The following GTF2IRD2 variants were observed in gnomAD, a reference collection of about 807,000 sequenced individuals.
GTF2IRD2 encodes general transcription factor II-I repeat domain-containing protein 2A.
Under a neutral mutation model 49.2 loss-of-function variants are expected in GTF2IRD2, and 8 were observed. The observed-to-expected ratio is 0.16, with a 90% confidence interval of 0.10 to 0.29. The LOEUF (loss-of-function observed/expected upper bound fraction) is 0.29. GTF2IRD2 is among the 10% of genes least tolerant of loss of function. The pLI is 1.00. For missense variants in GTF2IRD2, 130 were observed against 725.7 expected (o/e 0.18, Z 9.43); for synonymous variants, 47 against 289.7 (o/e 0.16, Z 8.51).
chr7:74,806,383 C>G (rs1168193365), intron 12 of GTF2IRD2, among the ~76,000 whole-genome samples: 12 of 129,820 alleles, frequency 9.2e-5, no homozygotes, highest in African/African-American at 3.3e-4. Flanking sequence ...GATCTCCGCT[C>G]ACTGCAAGCT....
chr7:74,836,829 G>T (rs1441499804), intron 1 of GTF2IRD2, among the ~76,000 whole-genome samples: 17 of 150,018 alleles, frequency 1.1e-4, no homozygotes, highest in Non-Finnish European at 1.8e-4. Context: ...GCCTCCCAGA[G>T]TGCTGGGATT....
intron 1 of GTF2IRD2, among the ~76,000 whole-genome samples, chr7:74,840,067 C>CT (rs1165672995): frequency 0.033 from 2,288 of 70,058 alleles, 381 homozygotes; most frequent in African/African-American, 0.12. Flanking sequence ...GGTCCTATGT[C>CT]TTTTTTTTTT....
intron 2 of GTF2IRD2, among the ~76,000 whole-genome samples, 196 bp from the exon 3 acceptor site, chr7:74,833,139 G>A (rs1210781219): frequency 1.1e-4 from 7 of 62,950 alleles, no homozygotes; most frequent in Admixed American, 2.0e-4. Flanking sequence ...TGCAAGCTCC[G>A]CCTCCCGGGT....
At chr7:74,799,767 G>A (rs1309980632) in intron 15 of GTF2IRD2, among the ~76,000 whole-genome samples, 2 of 152,208 alleles carry the variant, frequency 1.3e-5, no homozygotes, top group East Asian at 1.9e-4. Flanking sequence ...TATTTCCAGA[G>A]TACACACACA....
chr7:74,833,035 G>A (rs1799970251), intron 2 of GTF2IRD2, 92 bp from the exon 3 acceptor site: 1 of 378,188 alleles, frequency 2.6e-6, no homozygotes, highest in African/African-American at 4.2e-5. Flanking sequence ...ACAAAATTAG[G>A]TAGCAAAAGG....
intron 1 of GTF2IRD2, among the ~76,000 whole-genome samples, chr7:74,842,608 ATAGT>A (rs1333537918): frequency 6.9e-6 from 1 of 144,814 alleles, no homozygotes; most frequent in East Asian, 2.0e-4. Context: ...TGCCATGATC[ATAGT>A]TGGAGTACAG....
intron 15 of GTF2IRD2, chr7:74,799,057 G>T: frequency 9.6e-6 from 1 of 104,182 alleles, no homozygotes; most frequent in African/African-American, 4.0e-5. Flanking sequence ...TTGTTGCCCA[G>T]GCTGGTCTGA....
At chr7:74,830,184 T>C (rs1466441760) in intron 3 of GTF2IRD2, among the ~76,000 whole-genome samples, 2 of 70,670 alleles carry the variant, frequency 2.8e-5, no homozygotes, top group Non-Finnish European at 5.9e-5. Flanking sequence ...CTGGGTAATA[T>C]AGCAAAACCC....
At chr7:74,838,260 A>T (rs1800480243) in intron 1 of GTF2IRD2, among the ~76,000 whole-genome samples, 1 of 131,728 alleles carries the variant, frequency 7.6e-6, no homozygotes, top group Non-Finnish European at 1.5e-5. Flanking sequence ...ACACTATTTC[A>T]CTTACACATA....
chr7:74,810,660 G>C (rs1386596579), intron 10 of GTF2IRD2, among the ~76,000 whole-genome samples: 1 of 70,600 alleles, frequency 1.4e-5, no homozygotes, highest in African/African-American at 3.3e-5. Flanking sequence ...AATTAGCCGG[G>C]CGTGGTGGTA....
chr7:74,798,578 G>A (rs1797213762), intron 15 of GTF2IRD2, among the ~76,000 whole-genome samples: 1 of 150,512 alleles, frequency 6.6e-6, no homozygotes, highest in Non-Finnish European at 1.5e-5. Context: ...GCGCAATCTC[G>A]GCTCACTGCA....
chr7:74,819,125 A>G (rs1421495703), intron 8 of GTF2IRD2: 6 of 230,162 alleles, frequency 2.6e-5, no homozygotes, highest in East Asian at 1.2e-4. Context: ...GGGTTTTACT[A>G]TGTTGGCCAG....
At chr7:74,831,255 A>G (rs1218823564) in intron 3 of GTF2IRD2, among the ~76,000 whole-genome samples, 3 of 150,866 alleles carry the variant, frequency 2.0e-5, no homozygotes, top group Non-Finnish European at 4.4e-5. Flanking sequence ...ACATATATAT[A>G]TATAATTCCT....
Position 74,797,639 on chromosome 7 carries a change from C to T in GTF2IRD2, c.1873G>A (p.Val625Met), listed in dbSNP as rs146184113. Reference protein sequence around the residue: ...SVASTGTPAMVDANNGLVTKL... With the variant: ...SVASTGTPAMMDANNGLVTKL... ...GTGACAAGCCCGTTATTGGCATCCA[C>T]CATCGCTGGGGTGCCAGTGGAGGCC... Residue 625 changes from valine (V) to methionine (M), a missense_variant, in exon 16 of 16, where the codon GTG becomes ATG. Coordinates refer to ENST00000451013, the MANE Select transcript of GTF2IRD2 (RefSeq NM_173537.5). 12 of 1,605,844 alleles carry T rather than the reference C, an allele frequency of 7.5e-6. No homozygotes were observed. The African/African-American group carries it at 1.1e-4, about 15-fold the overall frequency.
Position 74,822,346 on chromosome 7 carries a change from G to A in GTF2IRD2, c.571+81C>T, listed in dbSNP as rs587758099. 1.4e-4 allele frequency: 90 copies of A among 663,644 alleles called. 4 individuals are homozygous for A. In the African/African-American group the frequency reaches 1.5e-3, roughly 11 times the overall value. The allele number at this position is 663,644 out of a possible 1,614,324, so 41.1% of individuals were successfully genotyped here. A position where few individuals can be genotyped will look rare whatever the true frequency, so the allele number is the denominator to read the frequency against. ...ATTACAGGTGTGAGCCATCACGCCC[G>A]GCCCCCAATTCAAGTTTTAATGAAG... On this transcript the variant is annotated intron_variant, in intron 6 of 15. Transcript: ENST00000451013.
intron 6 of GTF2IRD2, 80 bp downstream of exon 6, chr7:74,822,347 G>C (rs1554418781): frequency 1.5e-6 from 1 of 665,026 alleles, no homozygotes; most frequent in Non-Finnish European, 2.7e-6. Flanking sequence ...ATCACGCCCG[G>C]CCCCCAATTC....
intron 1 of GTF2IRD2, among the ~76,000 whole-genome samples, chr7:74,842,881 TGTATAA>T (rs1436800272): frequency 5.0e-5 from 7 of 140,066 alleles, no homozygotes; most frequent in African/African-American, 1.7e-4. Context: ...ATGGGTGAAC[TGTATAA>T]GTATATGAAT....
intron 1 of GTF2IRD2, among the ~76,000 whole-genome samples, chr7:74,842,375 G>A (rs1396989743): frequency 1.5e-5 from 2 of 129,048 alleles, no homozygotes; most frequent in Admixed American, 7.8e-5. Flanking sequence ...GATTACAGGC[G>A]TGCACCACCA....
intron 5 of GTF2IRD2, 60 bp from the exon 6 acceptor site, chr7:74,822,515 G>C (rs1799001698): frequency 1.5e-6 from 1 of 657,854 alleles, no homozygotes; most frequent in Non-Finnish European, 2.6e-6. Context: ...TGACACATCT[G>C]AACAGTCAGC....
Sources: allele counts gnomAD v4.1 joint callset (sites outside exome capture counted in the v4.1 genomes callset), GRCh38; gene constraint gnomAD v4.1.1; transcripts MANE v1.5; gene names NCBI Gene and HGNC (gene_info 2026-07-23, HGNC 2026-07-21).